ENPEP: variants seen among roughly 807,000 people sequenced by gnomAD.
ENPEP encodes the protein glutamyl aminopeptidase, also known as AP-A.
ENPEP carries 103 observed loss-of-function variants against 114.5 expected under a neutral mutation model. The observed-to-expected ratio is 0.90, with a 90% CI of 0.77 to 1.06. The LOEUF (loss-of-function observed/expected upper bound fraction) is 1.06, where lower values mean the gene tolerates loss of function less well. Ranked by LOEUF, ENPEP falls within the 50% of genes least tolerant of loss-of-function variation. The pLI is 0.00. For missense variants in ENPEP, 1,196 were observed against 1,161.3 expected (o/e 1.03, Z -0.43); for synonymous variants, 420 against 422.0 (o/e 1.00, Z 0.06).
chr4:110,560,206 G>T lies in ENPEP; in HGVS notation c.2721+481G>T, dbSNP rs1247769182. Among the ~76,000 whole-genome samples, 5 of 152,168 alleles carry T rather than the reference G, an allele frequency of 3.3e-5. No individual in the cohort carries two copies. The East Asian group carries it at 7.7e-4, about 23-fold the overall frequency. ...CCAGTCCATCATTGATGGGCATTTA[G>T]GTTGGTTCCAAGTCTTTGATATTGT... On this transcript the variant is annotated intron_variant, in intron 19 of 19. Transcript: ENST00000265162.
intron 11 of ENPEP, among the ~76,000 whole-genome samples, chr4:110,540,693 AT>A (rs937558521): frequency 1.3e-5 from 2 of 152,170 alleles, no homozygotes; most frequent in African/African-American, 4.8e-5. Context: ...ATATGGCAGT[AT>A]TTAGATGGAT....
intron 10 of ENPEP, among the ~76,000 whole-genome samples, chr4:110,523,075 G>A (rs1358879413): frequency 3.9e-5 from 6 of 152,156 alleles, no homozygotes; most frequent in Non-Finnish European, 8.8e-5. Context: ...TGAGGTAGGC[G>A]ATCTCCAGGA....
At chr4:110,493,249 G>A (rs930867750) in intron 3 of ENPEP, among the ~76,000 whole-genome samples, 2 of 152,120 alleles carry the variant, frequency 1.3e-5, no homozygotes, top group Non-Finnish European at 2.9e-5. Flanking sequence ...GTGATATAAT[G>A]AAAAAATACA....
intron 3 of ENPEP, among the ~76,000 whole-genome samples, chr4:110,497,159 T>C (rs1411100362): frequency 6.6e-6 from 1 of 152,216 alleles, no homozygotes; most frequent in Non-Finnish European, 1.5e-5. Context: ...ACAACTGTTA[T>C]TGTGGTGTTC....
intron 1 of ENPEP, among the ~76,000 whole-genome samples, chr4:110,485,772 G>A (rs1469635057): frequency 2.6e-5 from 4 of 151,482 alleles, no homozygotes; most frequent in African/African-American, 9.7e-5. Context: ...ATGTCCCTCA[G>A]TTGTAGTTTG....
At chr4:110,528,708 C>A (rs886795150) in intron 10 of ENPEP, among the ~76,000 whole-genome samples, 1 of 152,186 alleles carries the variant, frequency 6.6e-6, no homozygotes, top group Non-Finnish European at 1.5e-5. Flanking sequence ...TGATAGTCCA[C>A]TCCATGTAAA....
At chr4:110,555,246 T>C (rs1578421284) in intron 18 of ENPEP, among the ~76,000 whole-genome samples, 1 of 152,004 alleles carries the variant, frequency 6.6e-6, no homozygotes, top group Non-Finnish European at 1.5e-5. Context: ...ACATGTCTAA[T>C]ACACACAAAC....
intron 3 of ENPEP, among the ~76,000 whole-genome samples, chr4:110,502,983 C>T (rs1157483445): frequency 1.3e-5 from 2 of 151,828 alleles, no homozygotes; most frequent in African/African-American, 2.4e-5. Flanking sequence ...TATACATGTG[C>T]CATGTTGGTG....
chr4:110,528,807 T>A (rs2110371796), intron 10 of ENPEP, among the ~76,000 whole-genome samples: 1 of 152,340 alleles, frequency 6.6e-6, no homozygotes, highest in African/African-American at 2.4e-5. Flanking sequence ...TATTTCATAC[T>A]GCTAGAACCT....
chr4:110,564,833 T>G lies in ENPEP; in HGVS notation c.*3275T>G. 6.6e-6 allele frequency: 1 copy of G among 152,198 alleles called. No homozygotes were observed. Among genetic ancestry groups the G allele is most frequent in the East Asian group, 1.9e-4 (1 of 5,200 alleles). 9.4% of individuals were successfully genotyped at this position (152,198 alleles called of 1,614,324 possible). ...CAGAGCCAGCACTTGGTTTGCCATG[T>G]TCTCCGTGTTTCTTCTGCTCCTAGA... is the stretch of plus-strand genomic sequence containing the variant. On this transcript the variant is annotated 3_prime_UTR_variant, in exon 20 of 20. Transcript: ENST00000265162.
rs1727691530 is a variant in ENPEP, at chr4:110,561,833, T to C, written c.*275T>C. ...GAAGATAATGAAATAGTTATTTTAATACCTTTAAATATCATTCTTTGTATC... is the reference window on the plus strand; with the variant it reads ...GAAGATAATGAAATAGTTATTTTAACACCTTTAAATATCATTCTTTGTATC... On this transcript the variant is annotated 3_prime_UTR_variant, in exon 20 of 20. Transcript: ENST00000265162. The C allele has an allele frequency of 4.3e-6, 1 of 234,292 alleles. No individual in the cohort carries two copies. The highest frequency in any genetic ancestry group is 8.2e-6 in the Non-Finnish European group (1 of 122,152). 14.5% of individuals were successfully genotyped at this position (234,292 alleles called of 1,614,324 possible).
intron 4 of ENPEP, among the ~76,000 whole-genome samples, chr4:110,508,776 C>T (rs796604910): frequency 3.9e-5 from 6 of 152,034 alleles, no homozygotes; most frequent in Non-Finnish European, 5.9e-5. Context: ...GCACCACTGC[C>T]CTCCAGTTTG....
chr4:110,524,073 T>C (rs1726105223), intron 10 of ENPEP, among the ~76,000 whole-genome samples: 1 of 152,112 alleles, frequency 6.6e-6, no homozygotes, highest in African/African-American at 2.4e-5. Flanking sequence ...TAAAAATAAT[T>C]TTATTTTATT....
chr4:110,478,164 T>C (rs1170261619), intron 1 of ENPEP, among the ~76,000 whole-genome samples: 1 of 152,194 alleles, frequency 6.6e-6, no homozygotes, highest in Non-Finnish European at 1.5e-5. Flanking sequence ...AGCAAGCAAA[T>C]TTTTTGGTCA....
chr4:110,490,832 T>G (rs1466031437), intron 2 of ENPEP, among the ~76,000 whole-genome samples: 1 of 152,228 alleles, frequency 6.6e-6, no homozygotes, highest in Non-Finnish European at 1.5e-5. Flanking sequence ...AGTGTGTAAT[T>G]CAGTCAGTCT....
At chr4:110,561,249 G>A (rs578017683) in intron 19 of ENPEP, among the ~76,000 whole-genome samples, 157 bp from the exon 20 acceptor site, 8 of 152,290 alleles carry the variant, frequency 5.3e-5, no homozygotes, top group Admixed American at 1.3e-4. Flanking sequence ...CTGAGAGATG[G>A]GTTCAGTCTG....
intron 11 of ENPEP, among the ~76,000 whole-genome samples, chr4:110,534,526 G>T (rs1578411806): frequency 1.8e-4 from 1 of 5,492 alleles, no homozygotes; most frequent in East Asian, 5.0e-3. Context: ...TTTTTTTTTG[G>T]GACAGAGTTT....
chr4:110,484,884 C>T (rs1724446776), intron 1 of ENPEP, among the ~76,000 whole-genome samples: 1 of 151,126 alleles, frequency 6.6e-6, no homozygotes, highest in Admixed American at 6.6e-5. Context: ...TCCTTCCTCT[C>T]ACCTCCCACA....
chr4:110,513,523 G>A lies in ENPEP; in HGVS notation c.1417G>A (p.Val473Ile). ...TVTTPDEITS[V>I]FDGISYSKGS... ...GACAACCCCTGATGAAATAACATCT[G>A]TTTTTGATGGAATATCCTATAGCAA... is the stretch of plus-strand genomic sequence containing the variant. The change falls in exon 7 of 20, where the codon GTT becomes ATT. Residue 473 changes from valine (V) to isoleucine (I), a missense_variant. Coordinates refer to ENST00000265162, the MANE Select transcript of ENPEP (RefSeq NM_001977.4). 6.2e-7 allele frequency: 1 copy of A among 1,613,140 alleles called. No homozygotes were observed. The highest frequency in any genetic ancestry group is 1.1e-5 in the South Asian group (1 of 90,988).
Sources: gnomAD v4.1 joint callset for allele counts (sites outside exome capture counted in the v4.1 genomes callset) on GRCh38, gnomAD v4.1.1 for gene constraint, MANE v1.5 for transcripts, NCBI Gene and HGNC (gene_info 2026-07-23, HGNC 2026-07-21) for gene names.